BNC2: variants seen among roughly 807,000 people sequenced by gnomAD.
The protein encoded by BNC2 is zinc finger protein basonuclin-2.
A neutral mutation model predicts 76.3 loss-of-function variants in BNC2; 20 were observed. The ratio of observed to expected loss-of-function variants is 0.26; its 90% CI spans 0.18 to 0.38. The LOEUF is 0.38. Ranked by LOEUF, BNC2 falls within the 10% of genes least tolerant of loss-of-function variation. BNC2 has a pLI of 1.00. For missense variants in BNC2, 1,382 were observed against 1,399.8 expected (o/e 0.99, Z 0.20); for synonymous variants, 582 against 514.8 (o/e 1.13, Z -1.77).
chr9:16,770,733 T>A (rs1825810778), intron 1 of BNC2, among the ~76,000 whole-genome samples: 1 of 151,908 alleles, frequency 6.6e-6, no homozygotes, highest in Non-Finnish European at 1.5e-5. Context: ...GGCATGGTAG[T>A]GCACGCCTGT....
chr9:16,591,081 G>A (rs543431663), intron 3 of BNC2, among the ~76,000 whole-genome samples: 7 of 152,168 alleles, frequency 4.6e-5, no homozygotes, highest in Non-Finnish European at 8.8e-5. Flanking sequence ...TGATAGTAAT[G>A]GTGATTAAGT....
intron 4 of BNC2, among the ~76,000 whole-genome samples, chr9:16,554,737 C>G (rs528719769): frequency 6.6e-6 from 1 of 152,012 alleles, no homozygotes; most frequent in African/African-American, 2.4e-5. Flanking sequence ...GTGACCAGAT[C>G]GGGGGCGATC....
intron 5 of BNC2, among the ~76,000 whole-genome samples, chr9:16,495,874 T>C (rs1273181317): frequency 6.6e-6 from 1 of 152,030 alleles, no homozygotes; most frequent in Non-Finnish European, 1.5e-5. Context: ...AGGCTCCTAC[T>C]ACAAAATGTT....
chr9:16,813,765 C>A (rs552655926), intron 1 of BNC2, among the ~76,000 whole-genome samples: 2 of 152,186 alleles, frequency 1.3e-5, no homozygotes, highest in Non-Finnish European at 1.5e-5. Context: ...CTTAATGTGA[C>A]CTCAATGCAA....
chr9:16,843,257 G>A (rs1160348278), intron 1 of BNC2, among the ~76,000 whole-genome samples: 1 of 152,118 alleles, frequency 6.6e-6, no homozygotes. Flanking sequence ...AAAAGGGCAG[G>A]GTTATAATTC....
intron 5 of BNC2, among the ~76,000 whole-genome samples, chr9:16,512,606 C>T (rs1822783558): frequency 6.6e-6 from 1 of 152,222 alleles, no homozygotes; most frequent in East Asian, 1.9e-4. Flanking sequence ...TGTTGTTTTA[C>T]TTTATACATT....
At chr9:16,541,874 A>C (rs558339086) in intron 5 of BNC2, among the ~76,000 whole-genome samples, 91 of 152,252 alleles carry the variant, frequency 6.0e-4, no homozygotes, top group African/African-American at 2.0e-3. Flanking sequence ...TATCCTACTA[A>C]GGAATCTGAA....
chr9:16,532,143 G>A (rs968357627), intron 5 of BNC2, among the ~76,000 whole-genome samples: 3 of 150,902 alleles, frequency 2.0e-5, no homozygotes, highest in African/African-American at 7.3e-5. Flanking sequence ...CCTTGATACT[G>A]GAGTGGCATT....
chr9:16,505,875 T>C (rs10962463), intron 5 of BNC2, among the ~76,000 whole-genome samples: 21,049 of 152,164 alleles, frequency 0.14, 1,652 homozygotes, highest in East Asian at 0.27. Context: ...TTTAGCACAT[T>C]TGTAGGACAG....
chr9:16,530,129 C>T (rs1024485149), intron 5 of BNC2, among the ~76,000 whole-genome samples: 1 of 151,758 alleles, frequency 6.6e-6, no homozygotes. Context: ...GCATGAGCCA[C>T]CGCACCTGGC....
intron 1 of BNC2, among the ~76,000 whole-genome samples, chr9:16,851,467 C>T (rs1422264999): frequency 6.6e-6 from 1 of 152,118 alleles, no homozygotes; most frequent in Non-Finnish European, 1.5e-5. Context: ...GATCATGCCA[C>T]TACACTCCAG....
At chr9:16,838,498 T>C (rs1241897264) in intron 1 of BNC2, among the ~76,000 whole-genome samples, 1 of 152,002 alleles carries the variant, frequency 6.6e-6, no homozygotes, top group Non-Finnish European at 1.5e-5. Context: ...GAAGCGGAGG[T>C]TGCAGTGAGC....
intron 4 of BNC2, among the ~76,000 whole-genome samples, chr9:16,556,643 C>A (rs1178173622): frequency 7.0e-6 from 1 of 142,536 alleles, no homozygotes; most frequent in South Asian, 2.1e-4. Context: ...TGGTGCGCGC[C>A]TGTAGTCCCA....
chr9:16,805,857 C>G (rs955192070), intron 1 of BNC2, among the ~76,000 whole-genome samples: 1 of 152,088 alleles, frequency 6.6e-6, no homozygotes, highest in East Asian at 1.9e-4. Flanking sequence ...GTTTGATGCT[C>G]AGGCATTAAA....
intron 1 of BNC2, among the ~76,000 whole-genome samples, chr9:16,770,809 G>A (rs1454211408): frequency 6.6e-6 from 1 of 151,954 alleles, no homozygotes; most frequent in African/African-American, 2.4e-5. Context: ...AGGCTGCAGT[G>A]AGCCAAGATA....
At chr9:16,733,100 T>C (rs1824562175) in intron 2 of BNC2, among the ~76,000 whole-genome samples, 1 of 152,214 alleles carries the variant, frequency 6.6e-6, no homozygotes, top group Admixed American at 6.5e-5. Flanking sequence ...TGCAGCAGGC[T>C]GGACTCAGTC....
intron 5 of BNC2, among the ~76,000 whole-genome samples, chr9:16,469,396 G>C (rs1320007548): frequency 1.3e-5 from 2 of 152,182 alleles, no homozygotes; most frequent in African/African-American, 4.8e-5. Flanking sequence ...GGGTTTTTCA[G>C]GGGTTTCTGC....
intron 3 of BNC2, among the ~76,000 whole-genome samples, chr9:16,609,049 GA>G (rs1318373337): frequency 6.6e-6 from 1 of 152,134 alleles, no homozygotes; most frequent in Non-Finnish European, 1.5e-5. Flanking sequence ...ACAGCCTTGT[GA>G]AAGATGCGCA....
At chr9:16,610,617 G>C (rs575773380) in intron 3 of BNC2, among the ~76,000 whole-genome samples, 11 of 152,222 alleles carry the variant, frequency 7.2e-5, no homozygotes, top group African/African-American at 2.6e-4. Flanking sequence ...ACTCCTATCT[G>C]CTTTTAAAAT....
Sources: gnomAD v4.1 joint callset for allele counts (sites outside exome capture counted in the v4.1 genomes callset) on GRCh38, gnomAD v4.1.1 for gene constraint, MANE v1.5 for transcripts, NCBI Gene and HGNC (gene_info 2026-07-23, HGNC 2026-07-21) for gene names.